Variants in VPS53 observed in about 807,000 individuals in gnomAD.
VPS53 encodes the protein VPS53 subunit of GARP complex.
VPS53 carries 70 observed loss-of-function variants against 107.0 expected under a neutral mutation model. The observed-to-expected ratio is 0.65, with a 90% CI of 0.54 to 0.80. VPS53 has a LOEUF of 0.80. Ranked by LOEUF, VPS53 falls within the 30% of genes least tolerant of loss-of-function variation. The pLI is 0.00. For synonymous variants in VPS53, 409 were observed against 393.3 expected (o/e 1.04, Z -0.47); for missense variants, 917 against 1,049.4 (o/e 0.87, Z 1.74).
chr17:654,841 CGCCCAGTCTTACCACT>C (rs1301444147), intron 6 of VPS53, among the ~76,000 whole-genome samples: 1 of 152,118 alleles, frequency 6.6e-6, no homozygotes, highest in Non-Finnish European at 1.5e-5. Context: ...GTCTTACCAC[CGCCCAGTCTTACCACT>C]GCCTGGTCTG....
At chr17:620,819 G>A (rs1472790890) in intron 11 of VPS53, among the ~76,000 whole-genome samples, 1 of 151,900 alleles carries the variant, frequency 6.6e-6, no homozygotes, top group Non-Finnish European at 1.5e-5. Flanking sequence ...CGGTAGCCAG[G>A]CTGCTCTCAA....
intron 19 of VPS53, among the ~76,000 whole-genome samples, chr17:529,078 C>CA (rs1466533916): frequency 6.6e-6 from 1 of 152,138 alleles, no homozygotes; most frequent in Non-Finnish European, 1.5e-5. Flanking sequence ...TGGTGTGTGG[C>CA]AAAGGTCAAG....
chr17:683,556 A>T (rs1025518043), intron 4 of VPS53, among the ~76,000 whole-genome samples: 5 of 152,250 alleles, frequency 3.3e-5, no homozygotes, highest in African/African-American at 1.2e-4. Context: ...GGTACAGAAA[A>T]AACTCAGATC....
chr17:642,664 G>A (rs1477520744), intron 7 of VPS53, among the ~76,000 whole-genome samples: 9 of 145,468 alleles, frequency 6.2e-5, no homozygotes, highest in East Asian at 2.2e-4. Flanking sequence ...CTTGGAAAGC[G>A]AGGACAACAC....
At chr17:631,700 C>G in intron 7 of VPS53, 72 bp from the exon 8 acceptor site, 1 of 1,448,548 alleles carries the variant, frequency 6.9e-7, no homozygotes. Context: ...TCCACAGGGT[C>G]GGAAGGGCTG....
chr17:639,118 T>C (rs1970321137), intron 7 of VPS53, among the ~76,000 whole-genome samples: 1 of 152,208 alleles, frequency 6.6e-6, no homozygotes, highest in African/African-American at 2.4e-5. Context: ...GTTCATTTCT[T>C]TTTACTCTTT....
At chr17:553,534 A>C in intron 15 of VPS53, 72 bp from the exon 16 acceptor site, 2 of 1,168,674 alleles carry the variant, frequency 1.7e-6, no homozygotes, top group Non-Finnish European at 1.2e-6. Context: ...ATAATAGTTA[A>C]CATTTACTGC....
At chr17:711,028 A>G (rs937423330) in intron 1 of VPS53, among the ~76,000 whole-genome samples, 2 of 152,186 alleles carry the variant, frequency 1.3e-5, no homozygotes, top group African/African-American at 4.8e-5. Flanking sequence ...CCTGGGCAAC[A>G]TGGTGAAACC....
At chr17:565,174 G>A (rs975278593) in intron 13 of VPS53, among the ~76,000 whole-genome samples, 3 of 151,978 alleles carry the variant, frequency 2.0e-5, no homozygotes, top group Non-Finnish European at 4.4e-5. Flanking sequence ...AGCCGGGGCG[G>A]GTGGATCACC....
Position 520,771 on chromosome 17 carries a change from C to T in VPS53, c.2223+830G>A, listed in dbSNP as rs1167407351. On this transcript the variant is annotated intron_variant, in intron 20 of 21. Transcript: ENST00000437048. This position sits in a 1 kb window ranked among gnomAD's most constrained non-coding sequence, Gnocchi z 4.4. ...AAGAACATGATGAGGCAGCTTCACC[C>T]TCACCTACATGAGCTCTTCACCCTC... is the stretch of plus-strand genomic sequence containing the variant. Among the ~76,000 whole-genome samples the T allele has an allele frequency of 6.6e-6, 1 of 151,882 alleles. No homozygotes were observed. Among genetic ancestry groups the T allele is most frequent in the African/African-American group, 2.4e-5 (1 of 41,334 alleles).
At chr17:537,424 A>G in intron 17 of VPS53, 1 of 426,512 alleles carries the variant, frequency 2.3e-6, no homozygotes, top group South Asian at 3.3e-5. Context: ...CTTGTCCCCG[A>G]CCTGCCTGAA....
chr17:629,887 G>C (rs1969880141), intron 8 of VPS53, among the ~76,000 whole-genome samples: 1 of 150,482 alleles, frequency 6.6e-6, no homozygotes, highest in Non-Finnish European at 1.5e-5. Flanking sequence ...TGTTGTTAAA[G>C]AGAACCATTT....
chr17:687,688 T>C (rs11650543), intron 4 of VPS53, among the ~76,000 whole-genome samples: 27,306 of 152,002 alleles, frequency 0.18, 3,041 homozygotes, highest in South Asian at 0.25. Flanking sequence ...CAGCGAGCTG[T>C]GATTGCACCA....
intron 15 of VPS53, among the ~76,000 whole-genome samples, chr17:555,719 C>T (rs1259576719): frequency 6.6e-6 from 1 of 152,118 alleles, no homozygotes; most frequent in Non-Finnish European, 1.5e-5. Context: ...CAAAGAGCAA[C>T]CAAACATTAT....
intron 6 of VPS53, among the ~76,000 whole-genome samples, chr17:653,640 T>A (rs946366783): frequency 1.1e-4 from 16 of 152,170 alleles, no homozygotes; most frequent in Admixed American, 7.9e-4. Context: ...CACATCTAAC[T>A]AGTATCAAAA....
intron 7 of VPS53, among the ~76,000 whole-genome samples, chr17:640,261 A>G (rs1970371084): frequency 1.3e-5 from 2 of 152,162 alleles, no homozygotes; most frequent in South Asian, 4.1e-4. Context: ...GTGCAGTATT[A>G]GGGTGGGAGT....
intron 11 of VPS53, among the ~76,000 whole-genome samples, chr17:620,392 A>G (rs2143019900): frequency 6.6e-6 from 1 of 152,362 alleles, no homozygotes; most frequent in South Asian, 2.1e-4. Context: ...TTTTAGGACC[A>G]GAAGGGTAGG....
At chr17:664,196 A>G (rs945820622) in intron 4 of VPS53, among the ~76,000 whole-genome samples, 12 of 152,104 alleles carry the variant, frequency 7.9e-5, no homozygotes, top group Non-Finnish European at 1.6e-4. Context: ...CTCCTGCCTC[A>G]GCCTCCCGAG....
chr17:657,492 AT>A, intron 5 of VPS53: 2 of 1,480,404 alleles, frequency 1.4e-6, no homozygotes, highest in Non-Finnish European at 1.9e-6. Context: ...TTTATCCAGC[AT>A]CCAATGCTTT....
Sources: allele counts gnomAD v4.1 joint callset (sites outside exome capture counted in the v4.1 genomes callset), GRCh38; gene constraint gnomAD v4.1.1; non-coding constraint Gnocchi (gnomAD v3.1); transcripts MANE v1.5; gene names NCBI Gene and HGNC (gene_info 2026-07-23, HGNC 2026-07-21).